Variants in PHACTR3 observed in about 807,000 individuals in gnomAD.
The protein encoded by PHACTR3 is phosphatase and actin regulator 3.
A neutral mutation model predicts 66.8 loss-of-function variants in PHACTR3; 16 were observed. The observed-to-expected ratio is 0.24, with a 90% CI of 0.16 to 0.36. The LOEUF is 0.36. Among genes scored for constraint, PHACTR3 ranks in the 10% least tolerant of loss-of-function variants. The probability of loss-of-function intolerance (pLI) is 1.00; values close to 1 mark genes in which losing one functional copy is unlikely to be tolerated. For missense variants in PHACTR3, 647 were observed against 719.9 expected (o/e 0.90, Z 1.16); for synonymous variants, 323 against 292.1 (o/e 1.11, Z -1.08).
intron 8 of PHACTR3, among the ~76,000 whole-genome samples, chr20:59,817,456 G>A (rs1005501763): frequency 7.9e-5 from 12 of 152,384 alleles, no homozygotes; most frequent in African/African-American, 2.6e-4. Context: ...AAAGCTTTCT[G>A]AGCACTTGTC....
chr20:59,838,942 C>T lies in PHACTR3; in HGVS notation c.1385-1427C>T, dbSNP rs535386709. Among the ~76,000 whole-genome samples, 3 of 152,142 alleles carry T rather than the reference C, an allele frequency of 2.0e-5. No homozygotes were observed. In the South Asian group the frequency reaches 6.2e-4, roughly 32 times the overall value. On this transcript the variant is annotated intron_variant, in intron 9 of 12. Transcript: ENST00000371015. ...TTGGAGGAGGTCTCCAACAGAGCGC[C>T]TGGCACAAAGCAGCACTCTGACAGG...
intron 1 of PHACTR3, among the ~76,000 whole-genome samples, chr20:59,724,758 C>A (rs927946991): frequency 2.6e-5 from 4 of 152,208 alleles, no homozygotes; most frequent in Non-Finnish European, 5.9e-5. Flanking sequence ...AAGCGACTCT[C>A]CCCCTCTCCT....
At chr20:59,801,955 G>T (rs1000369805) in intron 7 of PHACTR3, among the ~76,000 whole-genome samples, 1 of 152,192 alleles carries the variant, frequency 6.6e-6, no homozygotes, top group African/African-American at 2.4e-5. Context: ...GCCAGGTATG[G>T]AATAGGTCCA....
At position 59,740,238 on chromosome 20, in the gene PHACTR3, A is replaced by G. The variant is rs138370866; in HGVS notation, c.119-2869A>G. Among the ~76,000 whole-genome samples, 757 of 152,298 alleles carry G rather than the reference A, an allele frequency of 5.0e-3. 10 individuals are homozygous for G. The highest frequency in any genetic ancestry group is 0.016 in the African/African-American group (678 of 41,580). On this transcript the variant is annotated intron_variant, in intron 1 of 12. Coordinates refer to ENST00000371015, the MANE Select transcript of PHACTR3 (RefSeq NM_080672.5). Reference sequence around the variant, plus strand: ...AGACATATAGATAATATTATTTTACATGGATGATAACATGAACTATTAATA... The same window carrying G: ...AGACATATAGATAATATTATTTTACGTGGATGATAACATGAACTATTAATA...
At chr20:59,581,487 C>T (rs2032855856) in intron 1 of PHACTR3, among the ~76,000 whole-genome samples, 1 of 152,184 alleles carries the variant, frequency 6.6e-6, no homozygotes, top group South Asian at 2.1e-4. Flanking sequence ...GCAGCTGTCA[C>T]CCCATTACTT....
upstream of PHACTR3, among the ~76,000 whole-genome samples, chr20:59,600,628 G>A (rs1406038079): frequency 6.6e-6 from 1 of 152,202 alleles, no homozygotes; most frequent in Non-Finnish European, 1.5e-5. Flanking sequence ...GGCTGCCCCT[G>A]GGCAGAGGAA....
At chr20:59,674,577 G>C (rs1205291075) in intron 1 of PHACTR3, among the ~76,000 whole-genome samples, 1 of 32,026 alleles carries the variant, frequency 3.1e-5, no homozygotes, top group African/African-American at 3.1e-4. Context: ...CGCTTCTCCT[G>C]TTCCCCCCTT....
intron 1 of PHACTR3, among the ~76,000 whole-genome samples, chr20:59,705,187 A>G (rs707563): frequency 0.76 from 115,477 of 152,022 alleles, 44,087 homozygotes; most frequent in African/African-American, 0.82. Context: ...CAACTCCTGA[A>G]CAAAAAGTGA....
intron 11 of PHACTR3, 51 bp from the exon 12 acceptor site, chr20:59,845,138 T>C (rs1165642699): frequency 8.7e-7 from 1 of 1,155,194 alleles, no homozygotes; most frequent in African/African-American, 1.5e-5. Context: ...GATGCTAATT[T>C]CCTGATTTTT....
At chr20:59,652,535 G>A (rs1000995574) in intron 1 of PHACTR3, among the ~76,000 whole-genome samples, 4 of 152,150 alleles carry the variant, frequency 2.6e-5, no homozygotes, top group Admixed American at 6.5e-5. Context: ...TCCAGCCTGG[G>A]CAACAGAGTG....
intron 4 of PHACTR3, among the ~76,000 whole-genome samples, chr20:59,759,678 G>A (rs2039929864): frequency 6.6e-6 from 1 of 152,194 alleles, no homozygotes; most frequent in Non-Finnish European, 1.5e-5. Context: ...CAGAGCTCAG[G>A]GGGACCAGCT....
At chr20:59,792,457 G>C (rs2041133028) in intron 7 of PHACTR3, among the ~76,000 whole-genome samples, 1 of 152,192 alleles carries the variant, frequency 6.6e-6, no homozygotes, top group Non-Finnish European at 1.5e-5. Context: ...TAGAGTTTCA[G>C]TTCCTCCACA....
At chr20:59,600,827 C>G (rs761658106), upstream of PHACTR3, among the ~76,000 whole-genome samples, 7 of 152,066 alleles carry the variant, frequency 4.6e-5, no homozygotes, top group Non-Finnish European at 7.4e-5. Flanking sequence ...CGATGAGCTT[C>G]TATCTGATCT....
At chr20:59,740,123 G>A (rs1398600981) in intron 1 of PHACTR3, among the ~76,000 whole-genome samples, 1 of 152,086 alleles carries the variant, frequency 6.6e-6, no homozygotes, top group Non-Finnish European at 1.5e-5. Context: ...TTATTCTATT[G>A]CTCATATCAT....
At chr20:59,770,947 C>T (rs941056128) in intron 5 of PHACTR3, among the ~76,000 whole-genome samples, 5 of 152,220 alleles carry the variant, frequency 3.3e-5, no homozygotes, top group African/African-American at 1.2e-4. Flanking sequence ...TGTTCTCAGC[C>T]CCCACCTTTT....
chr20:59,649,903 A>T (rs754903977), intron 1 of PHACTR3, among the ~76,000 whole-genome samples: 33 of 152,228 alleles, frequency 2.2e-4, no homozygotes, highest in Non-Finnish European at 4.6e-4. Context: ...CAAAATATAG[A>T]TGAATAATTT....
chr20:59,688,698 C>T (rs1184366561), intron 1 of PHACTR3, among the ~76,000 whole-genome samples: 1 of 151,912 alleles, frequency 6.6e-6, no homozygotes, highest in Non-Finnish European at 1.5e-5. Flanking sequence ...TTTTTCTTAA[C>T]TGCAGTTACA....
rs754816425 is a variant in PHACTR3 at position 59,774,330 on chromosome 20, G to A, written c.1014G>A (p.Glu338=). The A allele has an allele frequency of 3.7e-6, 6 of 1,614,110 alleles. No individual in the cohort carries two copies. The highest frequency in any genetic ancestry group is 5.1e-6 in the Non-Finnish European group (6 of 1,180,056). The change falls in exon 7 of 13, where the codon GAG becomes GAA. Residue 338 remains glutamate, a synonymous_variant. Transcript: ENST00000371015. ...SRTSSVERGK[E]REEAWSFDGA... The stretch of plus-strand genomic sequence containing the variant: ...CGTCCAGCGTGGAGCGGGGCAAGGA[G>A]AGGGAGGAGGCTTGGAGCTTTGACG...
chr20:59,651,097 A>G (rs2035445532), intron 1 of PHACTR3, among the ~76,000 whole-genome samples: 1 of 152,134 alleles, frequency 6.6e-6, no homozygotes, highest in Non-Finnish European at 1.5e-5. Flanking sequence ...ATGGTGGTGT[A>G]CACCTGTAAT....
Sources: allele counts gnomAD v4.1 joint callset (sites outside exome capture counted in the v4.1 genomes callset), GRCh38; gene constraint gnomAD v4.1.1; transcripts MANE v1.5; gene names NCBI Gene and HGNC (gene_info 2026-07-23, HGNC 2026-07-21).